Variants in PCDH15 observed in about 807,000 individuals in gnomAD.
PCDH15 encodes the protein protocadherin related 15.
PCDH15 carries 129 observed loss-of-function variants against 178.5 expected under a neutral mutation model. That is an observed-to-expected ratio of 0.72 (90% CI 0.63 to 0.84). The LOEUF (loss-of-function observed/expected upper bound fraction) is 0.84. Ranked by LOEUF, PCDH15 falls within the 40% of genes least tolerant of loss-of-function variation. The pLI, the probability that PCDH15 is intolerant of heterozygous loss-of-function variation, is 0.00. For synonymous variants in PCDH15, 800 were observed against 732.0 expected (o/e 1.09, Z -1.50); for missense variants, 2,230 against 2,099.9 (o/e 1.06, Z -1.21).
chr10:54,132,751 T>G, intron 15 of PCDH15, 124 bp downstream of exon 15: 1 of 1,475,746 alleles, frequency 6.8e-7, no homozygotes, highest in East Asian at 2.5e-5. Context: ...GAATTTTCAT[T>G]CACTAGAGTG....
At position 54,881,659 on chromosome 10, in the gene PCDH15, T is replaced by C. The variant is rs147757132; in HGVS notation, c.-29+15791A>G. 5.0e-3 allele frequency among the ~76,000 whole-genome samples: 754 copies of C among 152,194 alleles called. 4 individuals are homozygous for C. Among genetic ancestry groups the C allele is most frequent in the Admixed American group, 7.8e-3 (119 of 15,238 alleles). ...AATCATCCGTAGTTATAGATGATAC[T>C]GTCTACCTCAAAAAACAGTGTACCT... On this transcript the variant is annotated intron_variant, in intron 3 of 5. Transcript: ENST00000458638.
intron 21 of PCDH15, among the ~76,000 whole-genome samples, chr10:53,981,380 G>T (rs1177001211): frequency 6.6e-6 from 1 of 152,108 alleles, no homozygotes; most frequent in Non-Finnish European, 1.5e-5. Flanking sequence ...AAAACTTAGG[G>T]AATTTCAGTG....
chr10:55,082,607 T>C (rs903011034), intron 2 of PCDH15, among the ~76,000 whole-genome samples: 1 of 130,394 alleles, frequency 7.7e-6, no homozygotes, highest in African/African-American at 2.8e-5. Context: ...ACGCAAAATA[T>C]CAACAAAAAG....
intron 1 of PCDH15, among the ~76,000 whole-genome samples, chr10:54,772,339 G>C (rs1429518474): frequency 1.3e-5 from 2 of 151,966 alleles, no homozygotes; most frequent in Non-Finnish European, 2.9e-5. Flanking sequence ...ATATGTAAAA[G>C]TAAAGTCTTT....
rs575671227 is a variant in PCDH15, at chr10:54,984,357, C to T, written c.-79-86857G>A. ...AGTCACTCTCTCCCTTCTCCTTTTT[C>T]CCTTGGAGACTCTCATTACAGAGAG... On this transcript the variant is annotated intron_variant, in intron 2 of 5. Coordinates refer to the PCDH15 transcript ENST00000458638. 5.9e-5 allele frequency among the ~76,000 whole-genome samples: 9 copies of T among 152,258 alleles called. No individual in the cohort carries two copies. In the East Asian group the frequency reaches 1.7e-3, roughly 29 times the overall value.
rs374674080 is a variant in PCDH15 at position 54,887,281 on chromosome 10, T to C, written c.-29+10169A>G. Among the ~76,000 whole-genome samples the C allele has an allele frequency of 7.9e-5, 12 of 152,310 alleles. 1 individual carries two copies. The South Asian group carries it at 2.3e-3, about 29-fold the overall frequency. On this transcript the variant is annotated intron_variant, in intron 3 of 5. Transcript: ENST00000458638. ...TCACATCAACAGATCCTTGCAATTG[T>C]TAATGAAGTCACATGAAAATTTCCA...
At chr10:54,868,186 C>A (rs879360531) in intron 3 of PCDH15, among the ~76,000 whole-genome samples, 1 of 152,070 alleles carries the variant, frequency 6.6e-6, no homozygotes, top group Non-Finnish European at 1.5e-5. Flanking sequence ...TAGTATGACA[C>A]ACACCGCAAA....
At chr10:53,948,894 T>C (rs1451387690) in intron 23 of PCDH15, among the ~76,000 whole-genome samples, 3 of 152,214 alleles carry the variant, frequency 2.0e-5, no homozygotes, top group African/African-American at 4.8e-5. Flanking sequence ...TATGTTTGCA[T>C]TGATTACTAA....
At chr10:54,929,160 G>C (rs1004113262) in intron 2 of PCDH15, among the ~76,000 whole-genome samples, 16 of 152,144 alleles carry the variant, frequency 1.1e-4, no homozygotes, top group African/African-American at 3.4e-4. Flanking sequence ...TAAGCCAATT[G>C]AATGGCTTTC....
Position 53,961,912 on chromosome 10 carries a change from T to C in PCDH15, c.2869-20A>G. ...TAATCCCTAAAATAAAATTATTAAT[T>C]ATTAATTTGCTGTTACCAAGTTAAA... is the stretch of plus-strand genomic sequence containing the variant. On this transcript the variant is annotated intron_variant, in intron 21 of 37. Coordinates refer to ENST00000644397, the MANE Select transcript of PCDH15 (RefSeq NM_001384140.1). 1 of 1,590,964 alleles carries C rather than the reference T, an allele frequency of 6.3e-7. No individual in the cohort carries two copies.
intron 2 of PCDH15, among the ~76,000 whole-genome samples, chr10:54,941,397 C>T (rs1432816239): frequency 6.6e-6 from 1 of 152,088 alleles, no homozygotes; most frequent in Non-Finnish European, 1.5e-5. Context: ...TTCGTTTCAA[C>T]ATCTGTACTT....
chr10:54,905,192 C>T (rs1368785710), intron 2 of PCDH15, among the ~76,000 whole-genome samples: 1 of 152,008 alleles, frequency 6.6e-6, no homozygotes, highest in Non-Finnish European at 1.5e-5. Context: ...TGTTGATACA[C>T]TGAAATAGAA....
intron 1 of PCDH15, among the ~76,000 whole-genome samples, chr10:55,318,659 G>A (rs887848121): frequency 6.6e-6 from 1 of 152,066 alleles, no homozygotes; most frequent in Non-Finnish European, 1.5e-5. Context: ...ATGCTTAATT[G>A]AAAATCAAAA....
At chr10:55,326,096 C>A (rs1565011287) in intron 2 of PCDH15, among the ~76,000 whole-genome samples, 1 of 152,058 alleles carries the variant, frequency 6.6e-6, no homozygotes, top group South Asian at 2.1e-4. Context: ...ATAACAGATG[C>A]TGGTGAGGTT....
chr10:54,050,921 C>T (rs2093758664), intron 18 of PCDH15, among the ~76,000 whole-genome samples: 1 of 152,064 alleles, frequency 6.6e-6, no homozygotes, highest in Admixed American at 6.5e-5. Flanking sequence ...ATACTGTTCT[C>T]GTGATAGTAA....
At chr10:54,356,757 A>T (rs142985428) in intron 5 of PCDH15, among the ~76,000 whole-genome samples, 87 of 152,146 alleles carry the variant, frequency 5.7e-4, no homozygotes, top group African/African-American at 2.0e-3. Flanking sequence ...AGTAATTGTT[A>T]TTCTGTATGG....
chr10:54,850,136 G>A (rs186716476), intron 3 of PCDH15, among the ~76,000 whole-genome samples: 2 of 151,988 alleles, frequency 1.3e-5, no homozygotes, highest in East Asian at 3.9e-4. Flanking sequence ...CAATATATAT[G>A]GCATAAAACG....
rs189712337 is a variant in PCDH15, at chr10:54,194,396, G to T, written c.1305+1287C>A. Among the ~76,000 whole-genome samples the T allele has an allele frequency of 4.0e-3, 613 of 152,178 alleles. 3 individuals are homozygous for T. Among genetic ancestry groups the T allele is most frequent in the Middle Eastern group, 6.8e-3 (2 of 294 alleles). ...CCAGTTAAATTTTAAGTACTCAATAGCTGTATAAGACTAGTGGCTACTATG... is the reference window on the plus strand; with the variant it reads ...CCAGTTAAATTTTAAGTACTCAATATCTGTATAAGACTAGTGGCTACTATG... On this transcript the variant is annotated intron_variant, in intron 11 of 37. Transcript: ENST00000644397.
At chr10:54,099,220 G>A (rs749893007) in intron 15 of PCDH15, among the ~76,000 whole-genome samples, 17 of 152,238 alleles carry the variant, frequency 1.1e-4, no homozygotes, top group Non-Finnish European at 2.5e-4. Flanking sequence ...ATAGACACAG[G>A]CTGGGCGCAG....
Sources: gnomAD v4.1 joint callset for allele counts (sites outside exome capture counted in the v4.1 genomes callset) on GRCh38, gnomAD v4.1.1 for gene constraint, MANE v1.5 for transcripts, NCBI Gene and HGNC (gene_info 2026-07-23, HGNC 2026-07-21) for gene names.